PLEKHG4: variants seen among roughly 807,000 people sequenced by gnomAD.
The protein encoded by PLEKHG4 is puratrophin-1.
PLEKHG4 carries 85 observed loss-of-function variants against 136.9 expected under a neutral mutation model. The observed-to-expected ratio is 0.62, with a 90% CI of 0.52 to 0.74. PLEKHG4 has a LOEUF of 0.74. PLEKHG4 is among the 30% of genes least tolerant of loss of function. The pLI, the probability that PLEKHG4 is intolerant of heterozygous loss-of-function variation, is 0.00. For synonymous variants in PLEKHG4, 577 were observed against 646.9 expected (o/e 0.89, Z 1.64); for missense variants, 1,317 against 1,527.8 (o/e 0.86, Z 2.30).
At position 67,285,343 on chromosome 16, in the gene PLEKHG4, C is replaced by G; in HGVS notation, c.2249C>G (p.Ala750Gly). 1 of 1,614,200 alleles carries G rather than the reference C, an allele frequency of 6.2e-7. No individual in the cohort carries two copies. The highest frequency in any genetic ancestry group is 8.5e-7 in the Non-Finnish European group (1 of 1,180,040). Reference sequence around the variant, plus strand: ...GCCACGGAGCGGGAGTATGTCCGGGCTCTAGAGTACACTATGGAGAACTAT... The same window carrying G: ...GCCACGGAGCGGGAGTATGTCCGGGGTCTAGAGTACACTATGGAGAACTAT... Reference protein sequence around the residue: ...MVATEREYVRALEYTMENYFP... With the variant: ...MVATEREYVRGLEYTMENYFP... Residue 750 changes from alanine to glycine, a missense_variant, in exon 14 of 22, where the codon GCT (alanine) becomes GGT (glycine). Coordinates refer to ENST00000379344, the MANE Select transcript of PLEKHG4 (RefSeq NM_001129729.3).
At chr16:67,287,436 G>C in intron 18 of PLEKHG4, 1 of 567,216 alleles carries the variant, frequency 1.8e-6, no homozygotes, top group South Asian at 2.0e-5. Flanking sequence ...GTCTCGCTCT[G>C]TCGCCCAGGA....
At chr16:67,288,750 T>C (rs2142492144) in intron 21 of PLEKHG4, 53 bp from the exon 22 acceptor site, 2 of 1,611,332 alleles carry the variant, frequency 1.2e-6, no homozygotes, top group Non-Finnish European at 1.7e-6. Context: ...CCCAGACACC[T>C]CCTGGGTCCA....
In PLEKHG4 at chr16:67,281,758, A is replaced by C. The variant is rs746127261; in HGVS notation, c.926A>C (p.His309Pro). ...TTGCCTTCTCAGAGCCTGCTGACCC[A>C]CATCCCAACGGCGGGGCTGCCCACT... Reference protein sequence around the residue: ...EQLPSQSLLTHIPTAGLPTSL... With the variant: ...EQLPSQSLLTPIPTAGLPTSL... The change falls in exon 7 of 22, where the codon CAC becomes CCC. Residue 309 changes from histidine (H) to proline (P), a missense_variant. By Grantham distance (77) the His-to-Pro change is moderately conservative. Coordinates refer to ENST00000379344, the MANE Select transcript of PLEKHG4 (RefSeq NM_001129729.3). 6.2e-7 allele frequency: 1 copy of C among 1,613,966 alleles called. No homozygotes were observed. The highest frequency in any genetic ancestry group is 1.3e-5 in the African/African-American group (1 of 74,944).
In PLEKHG4 at chr16:67,287,998, T is replaced by G. The variant is rs1282519047; in HGVS notation, c.3204T>G (p.Tyr1068Ter). The G allele has an allele frequency of 1.9e-6, 3 of 1,612,046 alleles. No individual in the cohort carries two copies. Among genetic ancestry groups the G allele is most frequent in the Non-Finnish European group, 2.5e-6 (3 of 1,178,196 alleles). Reference sequence around the variant, plus strand: ...CCATCAACGACCGCACCGTCAACTATGTCCTGAAGTGCCGAGGTAGCAGGC... The same window carrying G: ...CCATCAACGACCGCACCGTCAACTAGGTCCTGAAGTGCCGAGGTAGCAGGC... Reference protein sequence around the residue: ...EEAINDRTVNYVLKCREVRSR... With the variant: ...EEAINDRTVN The change falls in exon 19 of 22, where the codon TAT becomes TAG. Residue 1068 changes from tyrosine (Y) to a stop codon, truncating the protein, a stop_gained. Coordinates refer to ENST00000379344, the MANE Select transcript of PLEKHG4 (RefSeq NM_001129729.3). LOFTEE classifies it high-confidence loss of function.
In PLEKHG4 at chr16:67,280,852, C is replaced by T. The variant is rs377700816; in HGVS notation, c.596-30C>T. 9.4e-5 allele frequency: 152 copies of T among 1,613,256 alleles called. No individual in the cohort carries two copies. The highest frequency in any genetic ancestry group is 2.3e-4 in the Admixed American group (14 of 60,004). ...GCGGTGGAGGTGGAGTGGCCCAATA[C>T]GGCAGGAGTTCACTGCTTCCTCCCC... is the stretch of plus-strand genomic sequence containing the variant. On this transcript the variant is annotated intron_variant, in intron 3 of 21. Transcript: ENST00000379344. This position sits in a 1 kb window ranked among gnomAD's most constrained non-coding sequence, Gnocchi z 4.4.
At chr16:67,281,310 A>G (rs1191270117) in intron 5 of PLEKHG4, 126 bp downstream of exon 5, 8 of 773,572 alleles carry the variant, frequency 1.0e-5, no homozygotes, top group East Asian at 2.6e-5. Flanking sequence ...TGCAAACTCT[A>G]TCTCCCCGAT....
In PLEKHG4 at chr16:67,288,523, A is replaced by G. The variant is rs1432053113; in HGVS notation, c.3489A>G (p.Pro1163=). 1.2e-6 allele frequency: 2 copies of G among 1,613,824 alleles called. No individual in the cohort carries two copies. Among genetic ancestry groups the G allele is most frequent in the African/African-American group, 2.7e-5 (2 of 74,922 alleles). Residue 1163 remains proline (P), a synonymous_variant, in exon 21 of 22, where the codon CCA becomes CCG. Coordinates refer to ENST00000379344, the MANE Select transcript of PLEKHG4 (RefSeq NM_001129729.3). The part of the protein sequence containing the change: ...AEDSEISSQC[P]SASGSSGSDS... ...ACTCAGAGATCTCGTCCCAATGCCC[A>G]TCAGCCAGTGGCTCCAGTGGCTCTG...
In PLEKHG4 at chr16:67,284,954, C is replaced by T; in HGVS notation, c.1934C>T (p.Ala645Val). 6.2e-7 allele frequency: 1 copy of T among 1,613,024 alleles called. No individual in the cohort carries two copies. Among genetic ancestry groups the T allele is most frequent in the Non-Finnish European group, 8.5e-7 (1 of 1,179,934 alleles). Residue 645 changes from alanine (A) to valine (V), a missense_variant, in exon 13 of 22, where the codon GCT (alanine) becomes GTT (valine). By Grantham distance (64) the Ala-to-Val change is moderately conservative. Coordinates refer to ENST00000379344, the MANE Select transcript of PLEKHG4 (RefSeq NM_001129729.3). The surrounding 1 kb of genome is among the most constrained non-coding windows in gnomAD (Gnocchi z 4.4). ...TWLALDQKLEASLKLPPVGST... is the reference protein window; with the variant it reads ...TWLALDQKLEVSLKLPPVGST... ...CTGGCCCTGGACCAAAAGCTTGAGG[C>T]TTCACTGAAGCTACCACCGGTGGGC...
In PLEKHG4 at chr16:67,286,263, T is replaced by C; in HGVS notation, c.2443-11T>C. 6.2e-7 allele frequency: 1 copy of C among 1,604,296 alleles called. No homozygotes were observed. The highest frequency in any genetic ancestry group is 8.5e-7 in the Non-Finnish European group (1 of 1,171,122). ...CCCTTTGCACTGGGGCTGAGCCACA[T>C]GTCCTTGTAGAGGGTGCAGTTTGGG... On this transcript the variant is annotated splice_polypyrimidine_tract_variant and intron_variant, in intron 14 of 21. Transcript: ENST00000379344.
In PLEKHG4 at chr16:67,286,319, C is replaced by A; in HGVS notation, c.2488C>A (p.Arg830Ser). The A allele has an allele frequency of 3.1e-6, 5 of 1,613,976 alleles. No individual in the cohort carries two copies. Among genetic ancestry groups the A allele is most frequent in the Non-Finnish European group, 4.2e-6 (5 of 1,179,864 alleles). The change falls in exon 15 of 22, where the codon CGC (arginine) becomes AGC (serine). Residue 830 changes from arginine to serine, a missense_variant. By Grantham distance (110) the Arg-to-Ser change is moderately radical. Transcript: ENST00000379344. ...MYALYSKNKPRSDALMSSYGH... is the reference protein window; with the variant it reads ...MYALYSKNKPSSDALMSSYGH... The stretch of plus-strand genomic sequence containing the variant: ...CGCGCTCTACAGCAAGAATAAGCCT[C>A]GCTCCGATGCCCTGATGTCAAGCTA...
At position 67,286,434 on chromosome 16, in the gene PLEKHG4, T is replaced by C; in HGVS notation, c.2533-11T>C. 6.2e-7 allele frequency: 1 copy of C among 1,612,354 alleles called. No individual in the cohort carries two copies. The highest frequency in any genetic ancestry group is 8.5e-7 in the Non-Finnish European group (1 of 1,178,768). On this transcript the variant is annotated splice_polypyrimidine_tract_variant and intron_variant, in intron 15 of 21. Transcript: ENST00000379344. ...CCCCAAACCACTCAGTGGCCTCCCA[T>C]CCGCCCACAGGACAAGCAGCAAGCA...
chr16:67,278,653 T>C (rs377182408), upstream of PLEKHG4: 1 of 152,198 alleles, frequency 6.6e-6, no homozygotes, highest in South Asian at 2.1e-4. Context: ...ACAGCCCGAG[T>C]GCTGGCAGCG....
In PLEKHG4 at chr16:67,282,367, C is replaced by A; in HGVS notation, c.1253+18C>A. Reference sequence around the variant, plus strand: ...GACTACAGGTGAGTGCAAGCCCGGCCCCCAGATCTTGCCCCAGCCCACCAT... The same window carrying A: ...GACTACAGGTGAGTGCAAGCCCGGCACCCAGATCTTGCCCCAGCCCACCAT... On this transcript the variant is annotated intron_variant, in intron 9 of 21. Transcript: ENST00000379344. 6.2e-7 allele frequency: 1 copy of A among 1,611,080 alleles called. No homozygotes were observed. The highest frequency in any genetic ancestry group is 1.3e-5 in the African/African-American group (1 of 74,950).
chr16:67,283,770 G>A (rs2036332572), intron 11 of PLEKHG4, among the ~76,000 whole-genome samples: 2 of 152,154 alleles, frequency 1.3e-5, no homozygotes, highest in Non-Finnish European at 2.9e-5. Context: ...AGGTCTAGCT[G>A]GAGAGGATCA....
In PLEKHG4 at chr16:67,285,064, C is replaced by G; in HGVS notation, c.2044C>G (p.Leu682Val). 1.2e-6 allele frequency: 2 copies of G among 1,613,520 alleles called. No individual in the cohort carries two copies. Among genetic ancestry groups the G allele is most frequent in the Non-Finnish European group, 1.7e-6 (2 of 1,180,024 alleles). The change falls in exon 13 of 22, where the codon CTG becomes GTG. Residue 682 changes from leucine to valine, a missense_variant. Physicochemically the swap from Leu to Val is conservative, Grantham distance 32. Coordinates refer to ENST00000379344, the MANE Select transcript of PLEKHG4 (RefSeq NM_001129729.3). ...GAAGGCCTACAGCTTCGATCGGAAT[C>G]TGGGGCAGAGTCTCAGTGAACCTGC... ...LRKAYSFDRN[L>V]GQSLSEPACH...
At position 67,288,251 on chromosome 16, in the gene PLEKHG4, A is replaced by G. The variant is rs2036578402; in HGVS notation, c.3305A>G (p.Asp1102Gly). 1 of 1,613,522 alleles carries G rather than the reference A, an allele frequency of 6.2e-7. No homozygotes were observed. The highest frequency in any genetic ancestry group is 8.5e-7 in the Non-Finnish European group (1 of 1,179,902). ...GGGGCCTCGAACTCCCTTCCTGGAG[A>G]CCCTGCCTCTTGCTCTGTTCTGGGG... ...YLGASNSLPG[D>G]PASCSVLGSL... is the part of the protein sequence containing the mutation. The change falls in exon 20 of 22, where the codon GAC becomes GGC. Residue 1102 changes from aspartate (D) to glycine (G), a missense_variant. Coordinates refer to ENST00000379344, the MANE Select transcript of PLEKHG4 (RefSeq NM_001129729.3).
In PLEKHG4 at chr16:67,286,741, C is replaced by A; in HGVS notation, c.2755-8C>A. Reference sequence around the variant, plus strand: ...AGGCTGGCCACCCACCAGCCCCCAACTCTGCAGGTTAACCTCAAGGAACAG... The same window carrying A: ...AGGCTGGCCACCCACCAGCCCCCAAATCTGCAGGTTAACCTCAAGGAACAG... On this transcript the variant is annotated splice_region_variant and splice_polypyrimidine_tract_variant and intron_variant, in intron 16 of 21. Coordinates refer to ENST00000379344, the MANE Select transcript of PLEKHG4 (RefSeq NM_001129729.3). 6.2e-7 allele frequency: 1 copy of A among 1,613,288 alleles called. No individual in the cohort carries two copies. Among genetic ancestry groups the A allele is most frequent in the Non-Finnish European group, 8.5e-7 (1 of 1,179,526 alleles).
rs772391084 is a variant in PLEKHG4 at position 67,288,618 on chromosome 16, G to T, written c.3570+14G>T. 13 of 1,613,764 alleles carry T rather than the reference G, an allele frequency of 8.1e-6. No individual in the cohort carries two copies. In the African/African-American group the frequency reaches 1.7e-4, roughly 22 times the overall value. On this transcript the variant is annotated intron_variant, in intron 21 of 21. Transcript: ENST00000379344. ...GACTTACCCTGTGTGAGTGCCATTT[G>T]CCCTATACCCACCAGCCCTTCCCCA...
At position 67,282,774 on chromosome 16, in the gene PLEKHG4, A is replaced by G. The variant is rs765733166; in HGVS notation, c.1425A>G (p.Pro475=). The G allele has an allele frequency of 6.2e-7, 1 of 1,613,550 alleles. No individual in the cohort carries two copies. The highest frequency in any genetic ancestry group is 1.1e-5 in the South Asian group (1 of 91,086). The part of the protein sequence containing the change: ...IEVWLQQVGW[P]ALEEAGEPSL... ...TGTGGCTGCAGCAGGTGGGCTGGCC[A>G]GCACTGGAGGAGGCTGGGGAGCCCT... The change falls in exon 11 of 22, where the codon CCA becomes CCG. Residue 475 remains proline, a synonymous_variant. Coordinates refer to ENST00000379344, the MANE Select transcript of PLEKHG4 (RefSeq NM_001129729.3).
Sources: allele counts gnomAD v4.1 joint callset (sites outside exome capture counted in the v4.1 genomes callset), GRCh38; gene constraint gnomAD v4.1.1; non-coding constraint Gnocchi (gnomAD v3.1); transcripts MANE v1.5; gene names NCBI Gene and HGNC (gene_info 2026-07-23, HGNC 2026-07-21).